RFPL2: variants seen among roughly 807,000 people sequenced by gnomAD.
RFPL2 encodes ret finger protein like 2.
A neutral mutation model predicts 17.8 loss-of-function variants in RFPL2; 13 were observed. That is an observed-to-expected ratio of 0.73 (90% CI 0.47 to 1.16). The LOEUF is 1.16. Among genes scored for constraint, RFPL2 ranks in the 50% most tolerant of loss-of-function variants. RFPL2 has a pLI of 0.00. For synonymous variants in RFPL2, 189 were observed against 180.9 expected, an observed-to-expected ratio of 1.04 and a Z score of -0.36; for missense variants, 431 against 479.3, an observed-to-expected ratio of 0.90 and a Z score of 0.94.
At chr22:32,204,646 C>A (rs1357215975) in intron 1 of RFPL2, among the ~76,000 whole-genome samples, 61 bp downstream of exon 1, 2 of 152,220 alleles carry the variant, frequency 1.3e-5, no homozygotes, top group African/African-American at 4.8e-5. Flanking sequence ...GGCAGCGAGC[C>A]GAGCCATGCT....
intron 2 of RFPL2, among the ~76,000 whole-genome samples, chr22:32,197,167 A>G (rs1923418773): frequency 1.3e-5 from 2 of 152,230 alleles, no homozygotes; most frequent in Non-Finnish European, 1.5e-5. Flanking sequence ...TTGAATCTGC[A>G]AAAGCAAAAA....
intron 2 of RFPL2, among the ~76,000 whole-genome samples, chr22:32,198,478 G>A (rs1923583944): frequency 6.6e-6 from 1 of 151,774 alleles, no homozygotes; most frequent in African/African-American, 2.4e-5. Flanking sequence ...GCTGCAAGTG[G>A]GGGCTGGGGA....
chr22:32,191,760 T>C (rs1277355427), intron 4 of RFPL2, among the ~76,000 whole-genome samples: 1 of 152,210 alleles, frequency 6.6e-6, no homozygotes, highest in African/African-American at 2.4e-5. Flanking sequence ...AAATAGTATC[T>C]AGAGCATGAG....
chr22:32,200,260 G>C (rs1273882443), intron 2 of RFPL2: 1 of 260,472 alleles, frequency 3.8e-6, no homozygotes, highest in South Asian at 4.3e-5. Context: ...CCCACCCATG[G>C]GGGCCTGGAG....
At chr22:32,192,839 A>G in intron 4 of RFPL2, 63 bp downstream of exon 4, 1 of 1,537,578 alleles carries the variant, frequency 6.5e-7, no homozygotes, top group Non-Finnish European at 8.7e-7. Flanking sequence ...TGAGGGGCCA[A>G]CTGCACAAAT....
intron 4 of RFPL2, among the ~76,000 whole-genome samples, chr22:32,192,220 C>A (rs1337514769): frequency 6.6e-6 from 1 of 152,148 alleles, no homozygotes; most frequent in Non-Finnish European, 1.5e-5. Flanking sequence ...CATAGGGGCC[C>A]ACCACCATTT....
At chr22:32,199,233 G>A (rs992700263) in intron 2 of RFPL2, among the ~76,000 whole-genome samples, 5 of 152,112 alleles carry the variant, frequency 3.3e-5, no homozygotes, top group African/African-American at 7.2e-5. Context: ...TGAAGCAGCC[G>A]GGCAAAGGGT....
intron 1 of RFPL2, chr22:32,203,154 A>G: frequency 1.1e-6 from 1 of 923,722 alleles, no homozygotes; most frequent in African/African-American, 1.8e-5. Context: ...TGCCTAGTAC[A>G]TGCAGCACCC....
In RFPL2 at chr22:32,190,675, G is replaced by C. The variant is rs1254750822; in HGVS notation, c.*97C>G. On this transcript the variant is annotated 3_prime_UTR_variant, in exon 5 of 5. Transcript: ENST00000652607. ...AAGAAATGTCCCATATTTTTCTCCC[G>C]TGACTTTGTATAATGCTTTTACGAA... The C allele has an allele frequency of 5.6e-6, 7 of 1,248,084 alleles. No individual in the cohort carries two copies. The highest frequency in any genetic ancestry group is 5.2e-5 in the Admixed American group (2 of 38,552). The allele number at this position is 1,248,084 out of a possible 1,614,324, so 77.3% of individuals were successfully genotyped here. A position where few individuals can be genotyped will look rare whatever the true frequency, so the allele number is the denominator to read the frequency against.
chr22:32,200,576 C>T (rs1923814892), intron 2 of RFPL2, among the ~76,000 whole-genome samples: 1 of 152,026 alleles, frequency 6.6e-6, no homozygotes, highest in South Asian at 2.1e-4. Flanking sequence ...ATTCTCTCTC[C>T]TCTCCTCTTC....
chr22:32,198,738 C>T (rs1196572716), intron 2 of RFPL2, among the ~76,000 whole-genome samples: 1 of 152,070 alleles, frequency 6.6e-6, no homozygotes, highest in Non-Finnish European at 1.5e-5. Context: ...CCTCTCCCCT[C>T]CCTGTTCAGA....
intron 2 of RFPL2, among the ~76,000 whole-genome samples, chr22:32,200,548 T>C (rs541552403): frequency 3.3e-5 from 5 of 152,126 alleles, no homozygotes; most frequent in African/African-American, 1.2e-4. Context: ...CATTTGGTCA[T>C]TGAACACCTC....
intron 4 of RFPL2, among the ~76,000 whole-genome samples, chr22:32,192,582 T>C (rs1188573196): frequency 6.6e-6 from 1 of 152,212 alleles, no homozygotes; most frequent in Non-Finnish European, 1.5e-5. Context: ...CTCAGCAAAG[T>C]CCCCAAGCCA....
In RFPL2 at chr22:32,190,873, G is replaced by A. The variant is rs1331082957; in HGVS notation, c.1036C>T (p.Pro346Ser). The stretch of plus-strand genomic sequence containing the variant: ...TGATCACCATTAGGTGGAACTGAAG[G>A]AGCCAAAAATGGGCGCAATGGCTCC... ...AEEPLRPFLAPSVPPNGDQGV... is the reference protein window; with the variant it reads ...AEEPLRPFLASSVPPNGDQGV... The change falls in exon 5 of 5, where the codon CCT becomes TCT. Residue 346 changes from proline to serine, a missense_variant. Coordinates refer to ENST00000652607, the MANE Select transcript of RFPL2 (RefSeq NM_001394555.1). 6.3e-7 allele frequency: 1 copy of A among 1,591,776 alleles called. No individual in the cohort carries two copies. Among genetic ancestry groups the A allele is most frequent in the Non-Finnish European group, 8.6e-7 (1 of 1,168,610 alleles).
At chr22:32,197,935 C>A (rs1442663970) in intron 2 of RFPL2, among the ~76,000 whole-genome samples, 2 of 152,140 alleles carry the variant, frequency 1.3e-5, no homozygotes, top group African/African-American at 4.8e-5. Context: ...GTGATAGGGG[C>A]TTGCTTCCAA....
chr22:32,195,057 G>T (rs1346086568), intron 2 of RFPL2, among the ~76,000 whole-genome samples: 2 of 152,210 alleles, frequency 1.3e-5, no homozygotes, highest in East Asian at 3.8e-4. Flanking sequence ...TGTTACCCGT[G>T]AAGTGAGTTG....
In RFPL2 at chr22:32,202,366, T is replaced by C; in HGVS notation, c.86A>G (p.Asp29Gly). 1 of 1,605,138 alleles carries C rather than the reference T, an allele frequency of 6.2e-7. No individual in the cohort carries two copies. Residue 29 changes from aspartate (D) to glycine (G), a missense_variant, in exon 2 of 5, where the codon GAC becomes GGC. Transcript: ENST00000652607. ...CLCAVLCGHW[D>G]FADMMVIRSL... ...CCTTATCACCATCATGTCTGCAAAG[T>C]CCCAGTGGCCACACAATACAGCACA... is the stretch of plus-strand genomic sequence containing the variant.
chr22:32,202,153 T>A (rs1923978932), intron 2 of RFPL2, among the ~76,000 whole-genome samples, 180 bp downstream of exon 2: 1 of 151,942 alleles, frequency 6.6e-6, no homozygotes, highest in Non-Finnish European at 1.5e-5. Flanking sequence ...CATCTTCAGA[T>A]CTCTCTCCTG....
intron 4 of RFPL2, 85 bp from the exon 5 acceptor site, chr22:32,191,437 T>C (rs1922642333): frequency 3.4e-6 from 5 of 1,468,702 alleles, no homozygotes; most frequent in Non-Finnish European, 4.6e-6. Flanking sequence ...CAAATATCTC[T>C]TGACTTTAGT....
Sources: gnomAD v4.1 joint callset for allele counts (sites outside exome capture counted in the v4.1 genomes callset) on GRCh38, gnomAD v4.1.1 for gene constraint, MANE v1.5 for transcripts, NCBI Gene and HGNC (gene_info 2026-07-23, HGNC 2026-07-21) for gene names.